Variants in TMEM67 observed in about 807,000 individuals in gnomAD.
TMEM67 encodes transmembrane protein 67.
In TMEM67, 124 loss-of-function variants were observed where a neutral mutation model predicts 136.6. The observed-to-expected ratio is 0.91, with a 90% CI of 0.78 to 1.05. TMEM67 has a LOEUF of 1.05. TMEM67 is among the 50% of genes least tolerant of loss of function. The pLI, the probability that TMEM67 is intolerant of heterozygous loss-of-function variation, is 0.00. For missense variants in TMEM67, 1,107 were observed against 1,178.4 expected, an observed-to-expected ratio of 0.94 and a Z score of 0.89; for synonymous variants, 364 against 390.5, an observed-to-expected ratio of 0.93 and a Z score of 0.80.
At chr8:93,770,366 G>C (rs1030343398) in intron 6 of TMEM67, among the ~76,000 whole-genome samples, 1 of 152,046 alleles carries the variant, frequency 6.6e-6, no homozygotes, top group Admixed American at 6.6e-5. Flanking sequence ...CACACCCAAG[G>C]AATTTAAAAT....
intron 12 of TMEM67, chr8:93,785,914 A>G: frequency 2.9e-6 from 1 of 340,766 alleles, no homozygotes; most frequent in South Asian, 2.9e-5. Context: ...TTGCTACAAA[A>G]AAAAATTTAG....
chr8:93,771,027 A>AT (rs1004911631), intron 6 of TMEM67, among the ~76,000 whole-genome samples: 14 of 152,098 alleles, frequency 9.2e-5, no homozygotes, highest in African/African-American at 3.4e-4. Flanking sequence ...AAAAAAAAAA[A>AT]ATATTGATTT....
Position 93,763,866 on chromosome 8 carries a change from T to G in TMEM67, c.431T>G (p.Leu144Trp), listed in dbSNP as rs749816983. ...ILVERDINGT[L>W]LSQATCELCD... Reference sequence around the variant, plus strand: ...GTGGAAAGAGACATTAATGGAACATTGTTGTCTCAAGCAACTTGTGAGCTC... The same window carrying G: ...GTGGAAAGAGACATTAATGGAACATGGTTGTCTCAAGCAACTTGTGAGCTC... The change falls in exon 4 of 28, where the codon TTG becomes TGG. Residue 144 changes from leucine (L) to tryptophan (W), a missense_variant. Around this residue, in one of 3 missense-constraint regions of TMEM67, gnomAD observed 925 missense variants for 1,002.4 expected, o/e 0.92. Transcript: ENST00000453321. The G allele has an allele frequency of 6.2e-7, 1 of 1,613,772 alleles. No homozygotes were observed. Among genetic ancestry groups the G allele is most frequent in the Admixed American group, 1.7e-5 (1 of 60,018 alleles).
Position 93,768,818 on chromosome 8 carries a change from C to T in TMEM67, c.651+3172C>T, listed in dbSNP as rs771887995. On this transcript the variant is annotated intron_variant, in intron 6 of 27. Coordinates refer to ENST00000453321, the MANE Select transcript of TMEM67 (RefSeq NM_153704.6). Reference sequence around the variant, plus strand: ...ACTTTCTATTCCACCTCCACATTCTCCCTCCTCTGCTAGCACCATGCAGTT... The same window carrying T: ...ACTTTCTATTCCACCTCCACATTCTTCCTCCTCTGCTAGCACCATGCAGTT... 7.2e-5 allele frequency among the ~76,000 whole-genome samples: 11 copies of T among 152,056 alleles called. 1 individual carries two copies. Among genetic ancestry groups the T allele is most frequent in the Non-Finnish European group, 1.3e-4 (9 of 68,016 alleles).
the TMEM67 span, among the ~76,000 whole-genome samples, chr8:93,831,101 C>T: frequency 3.3e-4 from 50 of 152,210 alleles, no homozygotes; most frequent in Non-Finnish European, 6.5e-4. Flanking sequence ...CTTTCACACA[C>T]GCCACATGGG....
intron 11 of TMEM67, among the ~76,000 whole-genome samples, 166 bp from the exon 12 acceptor site, chr8:93,785,056 G>A (rs1814030131): frequency 6.6e-6 from 1 of 152,098 alleles, no homozygotes; most frequent in South Asian, 2.1e-4. Flanking sequence ...AAATGAAAAT[G>A]CATATAAACA....
the TMEM67 span, among the ~76,000 whole-genome samples, chr8:93,831,659 T>C: frequency 1.3e-5 from 2 of 151,950 alleles, no homozygotes; most frequent in Admixed American, 6.6e-5. Flanking sequence ...TGTGCATGAG[T>C]GCATGCATGT....
At chr8:93,804,121 T>G (rs1208306831) in intron 22 of TMEM67, among the ~76,000 whole-genome samples, 1 of 151,792 alleles carries the variant, frequency 6.6e-6, no homozygotes, top group East Asian at 1.9e-4. Flanking sequence ...CCTCAGGTGA[T>G]CCAGCCTCCC....
At chr8:93,758,749 C>T in intron 3 of TMEM67, 173 bp downstream of exon 3, 1 of 594,942 alleles carries the variant, frequency 1.7e-6, no homozygotes, top group Non-Finnish European at 3.0e-6. Context: ...ACACATAACA[C>T]CACTGCAGCT....
chr8:93,755,895 A>ATG, intron 2 of TMEM67, 29 bp downstream of exon 2: 2 of 1,282,570 alleles, frequency 1.6e-6, no homozygotes, highest in Non-Finnish European at 2.2e-6. Flanking sequence ...AAAATAACTT[A>ATG]CCTGTAAAAA....
rs776701095 is a variant in TMEM67, at chr8:93,818,062, A to G, written c.*1610A>G. On this transcript the variant is annotated 3_prime_UTR_variant, in exon 28 of 28. Transcript: ENST00000453321. Reference sequence around the variant, plus strand: ...AACAGAAAACATTTAAAATCATTCTAAATTTTGTATGATATTTTTATTTTG... The same window carrying G: ...AACAGAAAACATTTAAAATCATTCTGAATTTTGTATGATATTTTTATTTTG... 7 of 152,224 alleles carry G rather than the reference A, an allele frequency of 4.6e-5. No homozygotes were observed. The highest frequency in any genetic ancestry group is 1.7e-4 in the African/African-American group (7 of 41,468). 9.4% of individuals were successfully genotyped at this position (152,224 alleles called of 1,614,324 possible).
chr8:93,809,286 T>C, intron 25 of TMEM67, 125 bp downstream of exon 25: 1 of 690,900 alleles, frequency 1.4e-6, no homozygotes, highest in Admixed American at 2.1e-5. Flanking sequence ...CCTTAAGACC[T>C]TCCCTTTTTT....
chr8:93,819,371 CT>C (rs1351016232), downstream of TMEM67: 2 of 347,712 alleles, frequency 5.8e-6, no homozygotes, highest in East Asian at 8.1e-5. Context: ...GACAACACCC[CT>C]GTGGGAGACA....
chr8:93,756,526 T>A (rs1812580164), intron 2 of TMEM67: 1 of 152,146 alleles, frequency 6.6e-6, no homozygotes, highest in Non-Finnish European at 1.5e-5. Context: ...AAATATTAAT[T>A]CTGGGAATTT....
chr8:93,799,595 A>G (rs1263080402), intron 20 of TMEM67, 23 bp from the exon 21 acceptor site: 1 of 1,612,818 alleles, frequency 6.2e-7, no homozygotes, highest in Non-Finnish European at 8.5e-7. Context: ...CGTTTAAATT[A>G]CTACTTTTCC....
At position 93,816,624 on chromosome 8, in the gene TMEM67, T is replaced by C. The variant is rs947066662; in HGVS notation, c.*172T>C. On this transcript the variant is annotated 3_prime_UTR_variant, in exon 28 of 28. Coordinates refer to ENST00000453321, the MANE Select transcript of TMEM67 (RefSeq NM_153704.6). ...CTTGGGAATATATAACCTGATATAATAGAAAATACTGTTTTCCCATTGTGT... is the reference window on the plus strand; with the variant it reads ...CTTGGGAATATATAACCTGATATAACAGAAAATACTGTTTTCCCATTGTGT... 9 of 475,278 alleles carry C rather than the reference T, an allele frequency of 1.9e-5. No individual in the cohort carries two copies. The highest frequency in any genetic ancestry group is 3.4e-5 in the Non-Finnish European group (9 of 260,884). 29.4% of individuals were successfully genotyped at this position (475,278 alleles called of 1,614,324 possible).
chr8:93,818,003 A>C lies in TMEM67; in HGVS notation c.*1551A>C, dbSNP rs1168894366. 6.6e-6 allele frequency: 1 copy of C among 152,236 alleles called. No individual in the cohort carries two copies. Among genetic ancestry groups the C allele is most frequent in the East Asian group, 1.9e-4 (1 of 5,200 alleles). The allele number at this position is 152,236 out of a possible 1,614,324, so 9.4% of individuals were successfully genotyped here. On this transcript the variant is annotated 3_prime_UTR_variant, in exon 28 of 28. Transcript: ENST00000453321. ...GTTTTTAAGTATTAAATTTCACAAT[A>C]AAGGATCAATTGGCTTACTTGCTGA...
chr8:93,814,674 A>G (rs1808838603), intron 26 of TMEM67, among the ~76,000 whole-genome samples: 1 of 145,050 alleles, frequency 6.9e-6, no homozygotes, highest in Non-Finnish European at 1.5e-5. Flanking sequence ...TTTTGTAGAG[A>G]TGGAGTCTGA....
chr8:93,785,376 A>G lies in TMEM67; in HGVS notation c.1286A>G (p.Gln429Arg). The change falls in exon 12 of 28, where the codon CAA (glutamine) becomes CGA (arginine). Residue 429 changes from glutamine (Q) to arginine (R), a missense_variant and splice_region_variant. Gln to Arg is a conservative substitution (Grantham distance 43). Around this residue, in one of 3 missense-constraint regions of TMEM67, gnomAD observed 925 missense variants for 1,002.4 expected, o/e 0.92. Coordinates refer to ENST00000453321, the MANE Select transcript of TMEM67 (RefSeq NM_153704.6). ...NLQHNKIFVNQDSNSGKWLLT... is the reference protein window; with the variant it reads ...NLQHNKIFVNRDSNSGKWLLT... ...CAACATAATAAGATATTTGTGAACCAAGGTAAGACATCCATACATACCACT... is the reference window on the plus strand; with the variant it reads ...CAACATAATAAGATATTTGTGAACCGAGGTAAGACATCCATACATACCACT... 1 of 1,612,542 alleles carries G rather than the reference A, an allele frequency of 6.2e-7. No individual in the cohort carries two copies.
Sources: gnomAD v4.1 joint callset for allele counts (sites outside exome capture counted in the v4.1 genomes callset) on GRCh38, gnomAD v4.1.1 for gene constraint, gnomAD v4.1.1 regional missense constraint, MANE v1.5 for transcripts, NCBI Gene and HGNC (gene_info 2026-07-23, HGNC 2026-07-21) for gene names.